The following RBM6 variants were observed in gnomAD, a reference collection of about 807,000 sequenced individuals.
RBM6 encodes the protein RNA-binding protein 6.
Under a neutral mutation model 140.4 loss-of-function variants are expected in RBM6, and 23 were observed. The observed-to-expected ratio is 0.16, with a 90% CI of 0.12 to 0.23. RBM6 has a LOEUF of 0.23. Among genes scored for constraint, RBM6 ranks in the 10% least tolerant of loss-of-function variants. The pLI is 1.00. For missense variants in RBM6, 1,139 were observed against 1,386.7 expected, an observed-to-expected ratio of 0.82 and a Z score of 2.84; for synonymous variants, 439 against 475.6, an observed-to-expected ratio of 0.92 and a Z score of 1.00.
At chr3:49,950,156 C>T (rs918921703) in intron 1 of RBM6, among the ~76,000 whole-genome samples, 3 of 152,046 alleles carry the variant, frequency 2.0e-5, no homozygotes, top group African/African-American at 7.2e-5. Flanking sequence ...AGTGGGTAGG[C>T]GGTCAGAGTA....
intron 6 of RBM6, among the ~76,000 whole-genome samples, chr3:50,040,531 T>TAC (rs1208833407): frequency 6.8e-6 from 1 of 146,122 alleles, no homozygotes; most frequent in East Asian, 2.0e-4. Flanking sequence ...TGTATATATA[T>TAC]ACACACACAC....
At chr3:49,965,379 G>A (rs1467673111) in intron 2 of RBM6, among the ~76,000 whole-genome samples, 4 of 152,192 alleles carry the variant, frequency 2.6e-5, no homozygotes, top group African/African-American at 7.2e-5. Context: ...TGCCTAAGAA[G>A]AACATCTAGG....
intron 5 of RBM6, among the ~76,000 whole-genome samples, chr3:49,977,435 C>T (rs2108660060): frequency 6.6e-6 from 1 of 152,294 alleles, no homozygotes; most frequent in Admixed American, 6.5e-5. Flanking sequence ...TTGGATATTT[C>T]TATCACTGGT....
At chr3:50,051,825 G>A (rs1269231133) in intron 7 of RBM6, among the ~76,000 whole-genome samples, 1 of 152,148 alleles carries the variant, frequency 6.6e-6, no homozygotes, top group African/African-American at 2.4e-5. Context: ...ATTTGACAAT[G>A]AAAAGGAATG....
intron 1 of RBM6, among the ~76,000 whole-genome samples, chr3:49,958,782 C>CTT (rs35853185): frequency 0.013 from 1,434 of 114,360 alleles, 16 homozygotes; most frequent in Middle Eastern, 0.02. Context: ...TGAAGAATTC[C>CTT]TTTTTTTTTT....
intron 2 of RBM6, among the ~76,000 whole-genome samples, chr3:49,965,614 G>A (rs918103247): frequency 6.6e-6 from 1 of 151,754 alleles, no homozygotes; most frequent in African/African-American, 2.4e-5. Context: ...AGCTTGCAGT[G>A]AGCCAATATC....
intron 5 of RBM6, chr3:49,981,465 AG>A (rs1408562847): frequency 6.6e-6 from 1 of 152,252 alleles, no homozygotes; most frequent in East Asian, 1.9e-4. Flanking sequence ...GACCACTGGC[AG>A]TAGATAAAGT....
Position 50,070,520 on chromosome 3 carries a change from G to A in RBM6, c.3084G>A (p.Arg1028=), listed in dbSNP as rs1329752837. The change falls in exon 19 of 21, where the codon AGG becomes AGA. Residue 1028 remains arginine, a synonymous_variant. Transcript: ENST00000266022. ...EKLQSFDSPE[R]KRIKYSRETD... ...TCCAGTCTTTTGACTCTCCAGAAAGGAAACGGATTAAGTACTCCAGGGAAA... is the reference window on the plus strand; with the variant it reads ...TCCAGTCTTTTGACTCTCCAGAAAGAAAACGGATTAAGTACTCCAGGGAAA... 3 of 1,613,918 alleles carry A rather than the reference G, an allele frequency of 1.9e-6. No individual in the cohort carries two copies. The highest frequency in any genetic ancestry group is 2.2e-5 in the East Asian group (1 of 44,874).
intron 1 of RBM6, among the ~76,000 whole-genome samples, chr3:49,949,409 T>C (rs2108579338): frequency 6.6e-6 from 1 of 152,182 alleles, no homozygotes; most frequent in South Asian, 2.1e-4. Flanking sequence ...CTTGTTTTTT[T>C]TGAGACGGAG....
intron 5 of RBM6, among the ~76,000 whole-genome samples, chr3:49,980,622 C>T (rs1443039061): frequency 1.3e-5 from 2 of 151,174 alleles, no homozygotes; most frequent in African/African-American, 2.4e-5. Context: ...ATTAGCCGGG[C>T]GTGGTGGCGG....
At chr3:49,952,152 A>C (rs1358914011) in intron 1 of RBM6, among the ~76,000 whole-genome samples, 2 of 151,950 alleles carry the variant, frequency 1.3e-5, no homozygotes, top group African/African-American at 4.8e-5. Context: ...CTCCTGCCTC[A>C]GCCTCCCGAG....
chr3:50,056,530 G>A (rs928601230), intron 8 of RBM6, among the ~76,000 whole-genome samples: 12 of 152,026 alleles, frequency 7.9e-5, no homozygotes, highest in African/African-American at 2.4e-4. Context: ...TCCTGACCTC[G>A]TGATCTGCCC....
intron 20 of RBM6, among the ~76,000 whole-genome samples, chr3:50,075,650 T>C (rs1034068971): frequency 7.2e-5 from 11 of 152,094 alleles, no homozygotes; most frequent in Admixed American, 7.2e-4. Context: ...GAATCAGCAA[T>C]GAAAGGTACA....
chr3:50,033,610 A>G (rs1478849918), intron 6 of RBM6, among the ~76,000 whole-genome samples: 1 of 152,000 alleles, frequency 6.6e-6, no homozygotes, highest in Non-Finnish European at 1.5e-5. Context: ...TATGGTAAAG[A>G]CCATGTTTTG....
chr3:50,040,471 AATATAT>A (rs869038826), intron 6 of RBM6, among the ~76,000 whole-genome samples: 643 of 33,466 alleles, frequency 0.019, 17 homozygotes, highest in Middle Eastern at 0.053. Flanking sequence ...AAAAAAAAAA[AATATAT>A]ATATATATAT....
At chr3:49,975,005 A>ATT (rs60771087) in intron 4 of RBM6, among the ~76,000 whole-genome samples, 40 of 139,164 alleles carry the variant, frequency 2.9e-4, no homozygotes, top group African/African-American at 8.0e-4. Context: ...CTAATTAAGA[A>ATT]TTTTTTTTTT....
chr3:50,000,463 C>G (rs1225115426), intron 6 of RBM6, among the ~76,000 whole-genome samples: 2 of 150,062 alleles, frequency 1.3e-5, no homozygotes, highest in African/African-American at 2.5e-5. Context: ...TCTTGTTGCC[C>G]AGGCTGGATT....
chr3:50,060,753 CAAAAAA>C (rs35467618), intron 11 of RBM6, 197 bp from the exon 12 acceptor site: 84 of 124,794 alleles, frequency 6.7e-4, no homozygotes, highest in Middle Eastern at 2.2e-3. Context: ...GACTCCGTCT[CAAAAAA>C]AAAAAAAAAA....
At chr3:50,002,772 A>G (rs962411849) in intron 6 of RBM6, among the ~76,000 whole-genome samples, 3 of 152,176 alleles carry the variant, frequency 2.0e-5, no homozygotes, top group African/African-American at 7.2e-5. Context: ...AAGGAAATGG[A>G]TGTGGATTAA....
Sources: gnomAD v4.1 joint callset for allele counts (sites outside exome capture counted in the v4.1 genomes callset) on GRCh38, gnomAD v4.1.1 for gene constraint, MANE v1.5 for transcripts, NCBI Gene and HGNC (gene_info 2026-07-23, HGNC 2026-07-21) for gene names.